The following TLE7 variants were observed in gnomAD, a reference collection of about 807,000 sequenced individuals.
TLE7 encodes transducin-like enhancer protein 7.
chr16:71,435,508 A>G (rs2042822762), intron 1 of TLE7, among the ~76,000 whole-genome samples: 1 of 152,248 alleles, frequency 6.6e-6, no homozygotes, highest in Admixed American at 6.5e-5. Flanking sequence ...GAAAACTGCA[A>G]TGTTCAGAAA....
In TLE7 at chr16:71,431,346, C is replaced by T. The variant is rs1243840203; in HGVS notation, c.994-72G>A. 5.0e-6 allele frequency: 2 copies of T among 399,320 alleles called. No homozygotes were observed. Among genetic ancestry groups the T allele is most frequent in the African/African-American group, 2.1e-5 (1 of 48,660 alleles). The allele number at this position is 399,320 out of a possible 1,614,324, so 24.7% of individuals were successfully genotyped here. A position where few individuals can be genotyped will look rare whatever the true frequency, so the allele number is the denominator to read the frequency against. On this transcript the variant is annotated intron_variant, in intron 7 of 9. Coordinates refer to ENST00000561754, the MANE Select transcript of TLE7 (RefSeq NM_001367365.2). The surrounding 1 kb of genome is among the most constrained non-coding windows in gnomAD (Gnocchi z 4.5). Reference sequence around the variant, plus strand: ...CCATCCTTTGTGCCCACCTCTCAAGCTCACACTCCCACCCCTGCCTCCATG... The same window carrying T: ...CCATCCTTTGTGCCCACCTCTCAAGTTCACACTCCCACCCCTGCCTCCATG...
chr16:71,433,994 T>C (rs998520428), intron 1 of TLE7, among the ~76,000 whole-genome samples: 1 of 152,162 alleles, frequency 6.6e-6, no homozygotes, highest in Non-Finnish European at 1.5e-5. Context: ...TGGCTGTACA[T>C]ATTTCAAATG....
intron 1 of TLE7, among the ~76,000 whole-genome samples, chr16:71,436,801 T>C (rs532173405): frequency 1.1e-4 from 16 of 152,338 alleles, no homozygotes; most frequent in Middle Eastern, 6.8e-3. Context: ...TTTACCAGTG[T>C]CCCTGAAAGC....
intron 1 of TLE7, among the ~76,000 whole-genome samples, chr16:71,437,834 C>T (rs893505087): frequency 6.6e-6 from 1 of 152,168 alleles, no homozygotes; most frequent in Admixed American, 6.5e-5. Flanking sequence ...CTTTTACCAC[C>T]CCTGACCTCC....
intron 1 of TLE7, among the ~76,000 whole-genome samples, chr16:71,435,720 T>C (rs1165360393): frequency 6.6e-6 from 1 of 152,216 alleles, no homozygotes; most frequent in South Asian, 2.1e-4. Context: ...TTAAAAATGG[T>C]TGGATCTGGA....
At position 71,442,015 on chromosome 16, in the gene TLE7, C is replaced by T. The variant is rs1227960138; in HGVS notation, c.-143G>A. 1 of 152,328 alleles carries T rather than the reference C, an allele frequency of 6.6e-6. No individual in the cohort carries two copies. Among genetic ancestry groups the T allele is most frequent in the Non-Finnish European group, 1.5e-5 (1 of 68,152 alleles). The allele number at this position is 152,328 out of a possible 1,614,324, so 9.4% of individuals were successfully genotyped here. ...CCTCGGGGCAACCAGAGGACGGAGG[C>T]TTGGTGCCGCAGGGCAGTCGGGAAG... On this transcript the variant is annotated 5_prime_UTR_variant, in exon 1 of 10. Coordinates refer to ENST00000561754, the MANE Select transcript of TLE7 (RefSeq NM_001367365.2).
At chr16:71,438,282 T>C (rs2042833970) in intron 1 of TLE7, among the ~76,000 whole-genome samples, 1 of 151,578 alleles carries the variant, frequency 6.6e-6, no homozygotes. Context: ...AAATACAAAA[T>C]TAGCCAGGCA....
At chr16:71,436,066 G>C (rs1276583909) in intron 1 of TLE7, among the ~76,000 whole-genome samples, 2 of 152,110 alleles carry the variant, frequency 1.3e-5, no homozygotes, top group Non-Finnish European at 2.9e-5. Context: ...TAGGAACACA[G>C]AGCTCCCCAC....
At position 71,430,350 on chromosome 16, in the gene TLE7, C is replaced by G; in HGVS notation, c.1238G>C (p.Gly413Ala). The G allele has an allele frequency of 2.5e-6, 1 of 398,638 alleles. No individual in the cohort carries two copies. The allele number at this position is 398,638 out of a possible 1,614,324, so 24.7% of individuals were successfully genotyped here. The change falls in exon 10 of 10, where the codon GGT becomes GCT. Residue 413 changes from glycine to alanine, a missense_variant. Transcript: ENST00000561754. ...QKLFQIEESSGILCCDVSSDN... is the reference protein window; with the variant it reads ...QKLFQIEESSAILCCDVSSDN... ...AGAGGACACGTCACAGCACAGGATA[C>G]CTGAAGACTCCTCTATCTAGATGGA...
chr16:71,437,833 C>A (rs1052190531), intron 1 of TLE7, among the ~76,000 whole-genome samples: 30 of 152,292 alleles, frequency 2.0e-4, no homozygotes, highest in African/African-American at 7.2e-4. Flanking sequence ...TCTTTTACCA[C>A]CCCTGACCTC....
chr16:71,441,793 T>C (rs1306343152), intron 1 of TLE7, among the ~76,000 whole-genome samples, 176 bp downstream of exon 1: 1 of 152,192 alleles, frequency 6.6e-6, no homozygotes, highest in East Asian at 1.9e-4. Flanking sequence ...GGCCGACGCA[T>C]AGGCAGACAG....
In TLE7 at chr16:71,431,188, CCGA is replaced by C; in HGVS notation, c.1077_1079del (p.Arg360del). 1 of 400,728 alleles carries C rather than the reference CCGA, an allele frequency of 2.5e-6. No homozygotes were observed. The allele number at this position is 400,728 out of a possible 1,614,324, so 24.8% of individuals were successfully genotyped here. On this transcript the variant is annotated inframe_deletion, in exon 8 of 10. Transcript: ENST00000561754. The surrounding 1 kb of genome is among the most constrained non-coding windows in gnomAD (Gnocchi z 4.5). ...TCATGAGAGCCTTAAACTGCTCATT[CCGA>C]CGAGTGTGAAGGAACACGATATCAC...
At chr16:71,438,293 T>G (rs1162633087) in intron 1 of TLE7, among the ~76,000 whole-genome samples, 1 of 151,700 alleles carries the variant, frequency 6.6e-6, no homozygotes, top group Non-Finnish European at 1.5e-5. Flanking sequence ...TAGCCAGGCA[T>G]GGTGGCATGC....
chr16:71,435,419 T>TAAATA (rs369669585), intron 1 of TLE7, among the ~76,000 whole-genome samples: 3,062 of 151,810 alleles, frequency 0.02, 82 homozygotes, highest in African/African-American at 0.068. Flanking sequence ...TCAAAATAAA[T>TAAATA]AAATAAAATA....
rs1472968592 is a variant in TLE7 at position 71,431,936 on chromosome 16, C to G, written c.676G>C (p.Ala226Pro). 2.5e-6 allele frequency: 1 copy of G among 400,674 alleles called. No individual in the cohort carries two copies. The highest frequency in any genetic ancestry group is 2.1e-5 in the African/African-American group (1 of 48,668). The allele number at this position is 400,674 out of a possible 1,614,324, so 24.8% of individuals were successfully genotyped here. ...PDERSLITGG[A>P]SQAVTLWDLA... ...TCCCAGAGAGTCACGGCCTGGGACG[C>G]ACCCCCTGTGATCAGGCTCCGCTCA... Residue 226 changes from alanine (A) to proline (P), a missense_variant, in exon 6 of 10, where the codon GCG (alanine) becomes CCG (proline). Ala to Pro is a conservative substitution (Grantham distance 27). Transcript: ENST00000561754. The surrounding 1 kb of genome is among the most constrained non-coding windows in gnomAD (Gnocchi z 4.5).
Position 71,431,414 on chromosome 16 carries a change from C to T in TLE7, c.993+7G>A, listed in dbSNP as rs1343387576. ...TGGCATTCTGCCAGTGGTGGCCAGCCGGGCACCTCATTCTGTAAGTTGTGT... is the reference window on the plus strand; with the variant it reads ...TGGCATTCTGCCAGTGGTGGCCAGCTGGGCACCTCATTCTGTAAGTTGTGT... On this transcript the variant is annotated splice_region_variant and intron_variant, in intron 7 of 9. Coordinates refer to ENST00000561754, the MANE Select transcript of TLE7 (RefSeq NM_001367365.2). This position sits in a 1 kb window ranked among gnomAD's most constrained non-coding sequence, Gnocchi z 4.5. 1.0e-5 allele frequency: 4 copies of T among 400,508 alleles called. No individual in the cohort carries two copies. Among genetic ancestry groups the T allele is most frequent in the Non-Finnish European group, 1.3e-5 (3 of 226,312 alleles). 24.8% of individuals were successfully genotyped at this position (400,508 alleles called of 1,614,324 possible).
intron 1 of TLE7, among the ~76,000 whole-genome samples, chr16:71,433,676 C>A (rs899151010): frequency 1.3e-5 from 2 of 152,190 alleles, no homozygotes; most frequent in African/African-American, 2.4e-5. Context: ...ATCAAACTCA[C>A]CTGCCGGGCA....
chr16:71,438,668 T>C (rs8050135), intron 1 of TLE7, among the ~76,000 whole-genome samples: 61,764 of 126,088 alleles, frequency 0.49, 17,390 homozygotes, highest in African/African-American at 0.8. Context: ...GGTATCAGGG[T>C]GAGACTCCAT....
At position 71,432,301 on chromosome 16, in the gene TLE7, C is replaced by A. The variant is rs1051337014; in HGVS notation, c.418G>T (p.Val140Phe). ...AIPPIPDEVV[V>F]RQKRAPQGSW... ...CCCTGTGGGGCCCTCTTCTGCCTGA[C>A]CACAACTTCATCTGGAATGGGGGGC... Residue 140 changes from valine to phenylalanine, a missense_variant, in exon 5 of 10, where the codon GTC becomes TTC. Coordinates refer to ENST00000561754, the MANE Select transcript of TLE7 (RefSeq NM_001367365.2). 5.0e-6 allele frequency: 2 copies of A among 400,690 alleles called. No homozygotes were observed. Among genetic ancestry groups the A allele is most frequent in the Non-Finnish European group, 8.8e-6 (2 of 226,326 alleles). 24.8% of individuals were successfully genotyped at this position (400,690 alleles called of 1,614,324 possible).
Sources: allele counts gnomAD v4.1 joint callset (sites outside exome capture counted in the v4.1 genomes callset), GRCh38; gene constraint gnomAD v4.1.1; non-coding constraint Gnocchi (gnomAD v3.1); transcripts MANE v1.5; gene names NCBI Gene and HGNC (gene_info 2026-07-23, HGNC 2026-07-21).